Variants in SHQ1 observed in about 807,000 individuals in gnomAD.
The protein encoded by SHQ1 is SHQ1, H/ACA ribonucleoprotein assembly factor.
Under a neutral mutation model 53.8 loss-of-function variants are expected in SHQ1, and 49 were observed. The observed-to-expected ratio is 0.91, with a 90% CI of 0.72 to 1.16. SHQ1 has a LOEUF of 1.16. SHQ1 is among the 50% of genes most tolerant of loss of function. SHQ1 has a pLI of 0.00. For missense variants in SHQ1, 738 were observed against 683.1 expected, an observed-to-expected ratio of 1.08 and a Z score of -0.90; for synonymous variants, 243 against 251.0, an observed-to-expected ratio of 0.97 and a Z score of 0.30.
rs1014693937 is a variant in SHQ1, at chr3:72,753,015, C to T, written c.1182-2179G>A. 7 of 985,172 alleles carry T rather than the reference C, an allele frequency of 7.1e-6. No homozygotes were observed. In the African/African-American group the frequency reaches 8.7e-5, roughly 12 times the overall value. The allele number at this position is 985,172 out of a possible 1,614,324, so 61.0% of individuals were successfully genotyped here. On this transcript the variant is annotated intron_variant, in intron 10 of 10. Transcript: ENST00000325599. ...CTAGATTTATAATATTACATTGTAT[C>T]GAGTAAATAAACTTTTCCATTATTA...
At chr3:72,738,630 G>C in the SHQ1 span, among the ~76,000 whole-genome samples, 1 of 152,048 alleles carries the variant, frequency 6.6e-6, no homozygotes, top group East Asian at 1.9e-4. Context: ...GAAATCCTGC[G>C]GGTGCCTTCC....
chr3:72,738,287 A>T, the SHQ1 span, among the ~76,000 whole-genome samples: 1 of 152,104 alleles, frequency 6.6e-6, no homozygotes, highest in African/African-American at 2.4e-5. Flanking sequence ...CCTGCTGAAA[A>T]CGAGGCAAGG....
chr3:72,804,799 G>A (rs1328279391), intron 9 of SHQ1, among the ~76,000 whole-genome samples: 2 of 152,192 alleles, frequency 1.3e-5, no homozygotes, highest in Admixed American at 6.5e-5. Flanking sequence ...AAGTTGCAAT[G>A]AGCCATGATT....
At chr3:72,740,667 G>A in the SHQ1 span, among the ~76,000 whole-genome samples, 5 of 152,114 alleles carry the variant, frequency 3.3e-5, no homozygotes, top group Admixed American at 6.5e-5. Context: ...ATGGAGCCTC[G>A]GACTGATGAA....
intron 10 of SHQ1, among the ~76,000 whole-genome samples, chr3:72,762,262 G>A (rs999270510): frequency 2.6e-5 from 4 of 152,212 alleles, no homozygotes; most frequent in African/African-American, 9.7e-5. Context: ...ATGCAGAGAA[G>A]CCACCATTTG....
At chr3:72,785,322 G>A (rs1294979283) in intron 10 of SHQ1, among the ~76,000 whole-genome samples, 1 of 152,164 alleles carries the variant, frequency 6.6e-6, no homozygotes, top group Non-Finnish European at 1.5e-5. Context: ...GTAAAAGTCT[G>A]AGTGAGTTTC....
intron 10 of SHQ1, among the ~76,000 whole-genome samples, chr3:72,758,412 G>A (rs1035350675): frequency 6.6e-6 from 1 of 152,094 alleles, no homozygotes; most frequent in Non-Finnish European, 1.5e-5. Context: ...CATAGGCTCT[G>A]AGAAACATCA....
chr3:72,846,756 G>A (rs1429655298), intron 1 of SHQ1, among the ~76,000 whole-genome samples: 2 of 152,174 alleles, frequency 1.3e-5, no homozygotes, highest in East Asian at 1.9e-4. Context: ...ATATGAATTT[G>A]GGGACAAGAG....
At chr3:72,834,847 T>C (rs77235621) in intron 4 of SHQ1, among the ~76,000 whole-genome samples, 3,122 of 152,276 alleles carry the variant, frequency 0.021, 98 homozygotes, top group African/African-American at 0.069. Context: ...AACATCTCTA[T>C]CACAGCACTA....
chr3:72,834,304 G>T (rs1256985994), intron 4 of SHQ1, among the ~76,000 whole-genome samples: 2 of 152,156 alleles, frequency 1.3e-5, no homozygotes, highest in East Asian at 3.9e-4. Context: ...CAAGGCGGGC[G>T]GATCACCTGA....
intron 10 of SHQ1, among the ~76,000 whole-genome samples, chr3:72,765,089 G>A (rs1399849054): frequency 6.6e-6 from 1 of 152,168 alleles, no homozygotes; most frequent in African/African-American, 2.4e-5. Context: ...TGGTTCCATT[G>A]CTCAAGAGTT....
At chr3:72,816,879 T>C (rs17690720) in intron 7 of SHQ1, among the ~76,000 whole-genome samples, 33,163 of 152,078 alleles carry the variant, frequency 0.22, 3,834 homozygotes, top group Non-Finnish European at 0.24. Context: ...GTATGGCAGT[T>C]TACCCCCTTG....
intron 10 of SHQ1, among the ~76,000 whole-genome samples, chr3:72,761,346 A>AT (rs1033313057): frequency 3.4e-4 from 52 of 152,034 alleles, no homozygotes; most frequent in African/African-American, 1.2e-3. Context: ...TAATTTATAA[A>AT]TTTTTTGTAG....
chr3:72,750,665 G>A lies in SHQ1; in HGVS notation c.1353C>T (p.Ser451=), dbSNP rs779410457. Residue 451 remains serine, a synonymous_variant, in exon 11 of 11, where the codon AGC becomes AGT. Coordinates refer to ENST00000325599, the MANE Select transcript of SHQ1 (RefSeq NM_018130.3). ...SVSGQQTLCS[S]SEASDSEDSD... is the part of the protein sequence containing the mutation. ...AGTCCTCCGAATCACTTGCCTCAGAGCTGGAGCAAAGTGTCTGCTGCCCAG... is the reference window on the plus strand; with the variant it reads ...AGTCCTCCGAATCACTTGCCTCAGAACTGGAGCAAAGTGTCTGCTGCCCAG... The A allele has an allele frequency of 6.8e-6, 11 of 1,612,136 alleles. No homozygotes were observed. In the East Asian group the frequency reaches 1.1e-4, roughly 16 times the overall value.
chr3:72,845,063 C>T (rs1056555854), intron 1 of SHQ1, among the ~76,000 whole-genome samples: 1 of 151,586 alleles, frequency 6.6e-6, no homozygotes, highest in East Asian at 1.9e-4. Flanking sequence ...CAATGGGAAA[C>T]AATAAAGAAA....
At chr3:72,815,531 G>A (rs985224059) in intron 7 of SHQ1, 128 bp from the exon 8 acceptor site, 45 of 623,504 alleles carry the variant, frequency 7.2e-5, no homozygotes, top group Non-Finnish European at 1.1e-4. Flanking sequence ...AAGTGTTCAC[G>A]ACTATAGAAA....
rs1559684321 is a variant in SHQ1 at position 72,812,843 on chromosome 3, AAAC to A, written c.937-52_937-50del. ...CAGTCATTTCCACAAAATGTTACAC[AAAC>A]AAAAGTACACAATGAAATAGGAAGC... is the stretch of plus-strand genomic sequence containing the variant. On this transcript the variant is annotated intron_variant, in intron 8 of 10. Transcript: ENST00000325599. 1.9e-6 allele frequency: 3 copies of A among 1,608,164 alleles called. No homozygotes were observed. In the African/African-American group the frequency reaches 4.0e-5, roughly 21 times the overall value.
intron 10 of SHQ1, among the ~76,000 whole-genome samples, chr3:72,756,665 G>T (rs751106296): frequency 6.6e-6 from 1 of 152,162 alleles, no homozygotes; most frequent in African/African-American, 2.4e-5. Flanking sequence ...ATTTAAAAGA[G>T]ACAATTGGAT....
Position 72,848,369 on chromosome 3 carries a change from G to T in SHQ1, c.-29C>A. ...CGCACCGGACGCAAGGGCCGGCGCC[G>T]CTCGCTCTCACTGCCGCCGCGTTCC... On this transcript the variant is annotated 5_prime_UTR_variant, in exon 1 of 11. Coordinates refer to ENST00000325599, the MANE Select transcript of SHQ1 (RefSeq NM_018130.3). The T allele has an allele frequency of 1.2e-6, 2 of 1,610,528 alleles. No individual in the cohort carries two copies. The highest frequency in any genetic ancestry group is 2.2e-5 in the South Asian group (2 of 90,932).
Sources: allele counts gnomAD v4.1 joint callset (sites outside exome capture counted in the v4.1 genomes callset), GRCh38; gene constraint gnomAD v4.1.1; transcripts MANE v1.5; gene names NCBI Gene and HGNC (gene_info 2026-07-23, HGNC 2026-07-21).